GPC5: variants seen among roughly 807,000 people sequenced by gnomAD.
The protein encoded by GPC5 is glypican 5, also known as glypican-5.
A neutral mutation model predicts 53.9 loss-of-function variants in GPC5; 47 were observed. That is an observed-to-expected ratio of 0.87 (90% CI 0.69 to 1.11). The LOEUF (loss-of-function observed/expected upper bound fraction) is 1.11. Ranked by LOEUF, GPC5 falls within the 50% of genes most tolerant of loss-of-function variation. The probability of loss-of-function intolerance (pLI) is 0.00; values close to 1 mark genes in which losing one functional copy is unlikely to be tolerated. For missense variants in GPC5, 748 were observed against 713.1 expected (o/e 1.05, Z -0.56); for synonymous variants, 286 against 263.3 (o/e 1.09, Z -0.84).
chr13:92,357,177 A>G (rs2043529469), intron 7 of GPC5, among the ~76,000 whole-genome samples: 1 of 151,742 alleles, frequency 6.6e-6, no homozygotes, highest in Admixed American at 6.5e-5. Context: ...CAAGGGACAC[A>G]CATGTGCATG....
chr13:91,663,162 T>C (rs1430114675), intron 2 of GPC5, among the ~76,000 whole-genome samples: 1 of 152,214 alleles, frequency 6.6e-6, no homozygotes, highest in Non-Finnish European at 1.5e-5. Context: ...TAGTTCAGTA[T>C]GGTTATATTC....
chr13:92,438,220 G>T (rs1335961997), intron 7 of GPC5, among the ~76,000 whole-genome samples: 1 of 151,794 alleles, frequency 6.6e-6, no homozygotes, highest in Non-Finnish European at 1.5e-5. Flanking sequence ...GAATTATCAT[G>T]TACCTATGAA....
At chr13:92,176,629 C>T (rs560166273) in intron 7 of GPC5, among the ~76,000 whole-genome samples, 10 of 152,206 alleles carry the variant, frequency 6.6e-5, no homozygotes, top group Admixed American at 5.9e-4. Context: ...TTTCTAAGAC[C>T]TCCCTTTCCG....
chr13:92,799,459 AAGAT>A (rs1876822105), intron 7 of GPC5, among the ~76,000 whole-genome samples: 2 of 151,830 alleles, frequency 1.3e-5, no homozygotes, highest in African/African-American at 2.4e-5. Context: ...TTTTTATAAA[AAGAT>A]AGTAAGAAAT....
chr13:92,642,362 T>G (rs1885623073), intron 7 of GPC5, among the ~76,000 whole-genome samples: 2 of 152,240 alleles, frequency 1.3e-5, no homozygotes, highest in Admixed American at 1.3e-4. Flanking sequence ...GTGACTCATC[T>G]TTGGATATAG....
intron 7 of GPC5, among the ~76,000 whole-genome samples, chr13:92,473,511 A>G (rs1376869204): frequency 1.3e-5 from 2 of 152,136 alleles, no homozygotes; most frequent in Non-Finnish European, 1.5e-5. Flanking sequence ...ATTCTCATCA[A>G]TAGTATTATG....
chr13:91,497,348 A>C (rs941542284), intron 2 of GPC5, among the ~76,000 whole-genome samples: 4 of 152,196 alleles, frequency 2.6e-5, no homozygotes, highest in African/African-American at 9.6e-5. Flanking sequence ...CTAAAAAGGA[A>C]AAAAGTCATC....
intron 2 of GPC5, among the ~76,000 whole-genome samples, chr13:91,668,534 T>C (rs529104989): frequency 6.6e-6 from 1 of 152,346 alleles, no homozygotes; most frequent in South Asian, 2.1e-4. Flanking sequence ...ATGATCTTTT[T>C]GTTGTTATTT....
At chr13:92,036,156 T>G (rs1320799309) in intron 6 of GPC5, among the ~76,000 whole-genome samples, 3 of 152,228 alleles carry the variant, frequency 2.0e-5, no homozygotes, top group African/African-American at 7.2e-5. Context: ...AACAGGAAGT[T>G]TTTGATCAAG....
intron 2 of GPC5, among the ~76,000 whole-genome samples, chr13:91,626,725 T>C (rs140898853): frequency 0.026 from 4,002 of 152,130 alleles, 166 homozygotes; most frequent in African/African-American, 0.09. Context: ...TACGTGCAGG[T>C]TTGTTACATA....
chr13:92,279,764 A>G (rs2042900859), intron 7 of GPC5, among the ~76,000 whole-genome samples: 1 of 152,044 alleles, frequency 6.6e-6, no homozygotes, highest in Non-Finnish European at 1.5e-5. Context: ...TTCTAGAATA[A>G]ATTCCACTTT....
chr13:92,277,353 A>C (rs540991055), intron 7 of GPC5, among the ~76,000 whole-genome samples: 1 of 152,144 alleles, frequency 6.6e-6, no homozygotes, highest in South Asian at 2.1e-4. Flanking sequence ...TTTTATGTAC[A>C]TTCTAAGGTA....
chr13:91,454,966 G>GACA (rs1412258549), intron 2 of GPC5, among the ~76,000 whole-genome samples: 1 of 152,010 alleles, frequency 6.6e-6, no homozygotes, highest in East Asian at 1.9e-4. Context: ...CGCTACTTAT[G>GACA]TGTTGAGTAA....
At chr13:92,772,204 G>A (rs1724559501) in intron 7 of GPC5, among the ~76,000 whole-genome samples, 1 of 152,010 alleles carries the variant, frequency 6.6e-6, no homozygotes, top group Non-Finnish European at 1.5e-5. Flanking sequence ...TGTTTTCTAG[G>A]CCCAGAGTCT....
chr13:91,554,740 C>T (rs1466588956), intron 2 of GPC5, among the ~76,000 whole-genome samples: 1 of 152,024 alleles, frequency 6.6e-6, no homozygotes, highest in Non-Finnish European at 1.5e-5. Context: ...CATAGTACTC[C>T]GTTTTCATGT....
At chr13:91,878,364 G>A (rs1426900679) in intron 5 of GPC5, among the ~76,000 whole-genome samples, 3 of 152,044 alleles carry the variant, frequency 2.0e-5, no homozygotes, top group East Asian at 1.9e-4. Flanking sequence ...TCATTCTTTT[G>A]ATCAAAATAG....
intron 2 of GPC5, among the ~76,000 whole-genome samples, chr13:91,472,360 A>G (rs568504909): frequency 6.6e-6 from 1 of 152,236 alleles, no homozygotes; most frequent in African/African-American, 2.4e-5. Context: ...GTTTATCTCT[A>G]ACTCTTGTTT....
chr13:92,547,022 A>G (rs1387514929), intron 7 of GPC5, among the ~76,000 whole-genome samples: 1 of 152,156 alleles, frequency 6.6e-6, no homozygotes, highest in Non-Finnish European at 1.5e-5. Flanking sequence ...TTAATTCTAG[A>G]TGGATTAAAG....
At chr13:91,497,546 A>T (rs1011681493) in intron 2 of GPC5, among the ~76,000 whole-genome samples, 4 of 152,186 alleles carry the variant, frequency 2.6e-5, no homozygotes, top group African/African-American at 4.8e-5. Flanking sequence ...TAATTGGGGT[A>T]TATACTCACC....
Sources: allele counts gnomAD v4.1 joint callset (sites outside exome capture counted in the v4.1 genomes callset), GRCh38; gene constraint gnomAD v4.1.1; transcripts MANE v1.5; gene names NCBI Gene and HGNC (gene_info 2026-07-23, HGNC 2026-07-21).